The following CTTNBP2 variants were observed in gnomAD, a reference collection of about 807,000 sequenced individuals.
CTTNBP2 encodes the protein cortactin-binding protein 2.
Under a neutral mutation model 156.9 loss-of-function variants are expected in CTTNBP2, and 108 were observed. The observed-to-expected ratio is 0.69, with a 90% CI of 0.59 to 0.81. The LOEUF is 0.81. CTTNBP2 is among the 30% of genes least tolerant of loss of function. The probability of loss-of-function intolerance (pLI) is 0.00; values close to 1 mark genes in which losing one functional copy is unlikely to be tolerated. For missense variants in CTTNBP2, 1,924 were observed against 2,035.4 expected, an observed-to-expected ratio of 0.95 and a Z score of 1.05; for synonymous variants, 767 against 751.8, an observed-to-expected ratio of 1.02 and a Z score of -0.33.
intron 3 of CTTNBP2, among the ~76,000 whole-genome samples, chr7:117,794,004 C>T (rs1358774999): frequency 1.3e-5 from 2 of 152,144 alleles, no homozygotes; most frequent in South Asian, 4.1e-4. Context: ...CTGCCTGCAC[C>T]CCCCCTCACC....
intron 2 of CTTNBP2, among the ~76,000 whole-genome samples, chr7:117,860,566 A>G (rs1803658799): frequency 1.3e-5 from 2 of 152,050 alleles, no homozygotes; most frequent in South Asian, 4.1e-4. Flanking sequence ...GATGGTCTCA[A>G]TCTCCTGACC....
intron 2 of CTTNBP2, among the ~76,000 whole-genome samples, chr7:117,831,518 C>T (rs1801610393): frequency 6.6e-6 from 1 of 152,082 alleles, no homozygotes; most frequent in Admixed American, 6.6e-5. Flanking sequence ...ATGATTCAAG[C>T]CATTATTTCT....
chr7:117,850,028 C>T (rs1802837401), intron 2 of CTTNBP2, among the ~76,000 whole-genome samples: 1 of 152,200 alleles, frequency 6.6e-6, no homozygotes, highest in Non-Finnish European at 1.5e-5. Flanking sequence ...GGTTAAATGA[C>T]ATAATCCACA....
intron 2 of CTTNBP2, among the ~76,000 whole-genome samples, chr7:117,814,367 AT>A (rs1301140524): frequency 6.6e-6 from 1 of 151,892 alleles, no homozygotes; most frequent in African/African-American, 2.4e-5. Flanking sequence ...ATGCAGACGA[AT>A]TTTTTTCTGC....
At position 117,722,083 on chromosome 7, in the gene CTTNBP2, G is replaced by A. The variant is rs149222405; in HGVS notation, c.4448-953C>T. Reference sequence around the variant, plus strand: ...TTCTGTCATTATTGTCCAAAGCACTGACTAGTGGCTTCTACTAATTACTAC... The same window carrying A: ...TTCTGTCATTATTGTCCAAAGCACTAACTAGTGGCTTCTACTAATTACTAC... On this transcript the variant is annotated intron_variant, in intron 19 of 22. Coordinates refer to ENST00000160373, the MANE Select transcript of CTTNBP2 (RefSeq NM_033427.3). Among the ~76,000 whole-genome samples the A allele has an allele frequency of 1.6e-3, 247 of 152,312 alleles. 1 individual carries two copies. The highest frequency in any genetic ancestry group is 5.7e-3 in the African/African-American group (238 of 41,572).
At chr7:117,861,713 C>T (rs547483491) in intron 1 of CTTNBP2, among the ~76,000 whole-genome samples, 5 of 151,998 alleles carry the variant, frequency 3.3e-5, no homozygotes, top group Non-Finnish European at 7.4e-5. Flanking sequence ...ATAAAGGTTC[C>T]TGGGAGGTTA....
chr7:117,862,936 G>T (rs1700762807), intron 1 of CTTNBP2, among the ~76,000 whole-genome samples: 1 of 152,140 alleles, frequency 6.6e-6, no homozygotes, highest in African/African-American at 2.4e-5. Context: ...CACTTTACCG[G>T]CATGGCACCA....
chr7:117,783,058 A>C, intron 5 of CTTNBP2, 97 bp from the exon 6 acceptor site: 1 of 799,678 alleles, frequency 1.3e-6, no homozygotes, highest in Admixed American at 2.2e-5. Flanking sequence ...TCCCAAAGGG[A>C]CTCTCCCCTG....
chr7:117,745,911 C>A lies in CTTNBP2; in HGVS notation c.3455G>T (p.Gly1152Val). The change falls in exon 14 of 23, where the codon GGA becomes GTA. Residue 1152 changes from glycine to valine, a missense_variant. Transcript: ENST00000160373. ...AGCTCTCACTATTTCACAGGAGAAT[C>A]CTGCAGCCATTTGTCTGTGCTGTGA... ...LCLKHRQMAA[G>V]FSCEIVRAEV... The A allele has an allele frequency of 1.2e-6, 2 of 1,614,132 alleles. No individual in the cohort carries two copies. The highest frequency in any genetic ancestry group is 1.7e-6 in the Non-Finnish European group (2 of 1,179,994).
At chr7:117,797,211 A>G (rs1301005045) in intron 3 of CTTNBP2, among the ~76,000 whole-genome samples, 1 of 152,192 alleles carries the variant, frequency 6.6e-6, no homozygotes, top group African/African-American at 2.4e-5. Flanking sequence ...TTACACATTC[A>G]TGGGGCAGAC....
In CTTNBP2 at chr7:117,724,534, C is replaced by T. The variant is rs1406939866; in HGVS notation, c.4447+13G>A. 1 of 1,603,064 alleles carries T rather than the reference C, an allele frequency of 6.2e-7. No individual in the cohort carries two copies. Among genetic ancestry groups the T allele is most frequent in the South Asian group, 1.1e-5 (1 of 90,048 alleles). On this transcript the variant is annotated intron_variant, in intron 19 of 22. Transcript: ENST00000160373. Reference sequence around the variant, plus strand: ...ACCTCCTGGTAGGCAACATGCCTACCCCCGCCCTTTACCTTCAGTGCTTAG... The same window carrying T: ...ACCTCCTGGTAGGCAACATGCCTACTCCCGCCCTTTACCTTCAGTGCTTAG...
intron 1 of CTTNBP2, among the ~76,000 whole-genome samples, chr7:117,865,533 A>T (rs561616313): frequency 1.3e-5 from 2 of 151,276 alleles, no homozygotes; most frequent in Admixed American, 6.6e-5. Flanking sequence ...AAAATTAGCC[A>T]GGCATGGTGG....
intron 22 of CTTNBP2, among the ~76,000 whole-genome samples, chr7:117,716,499 T>TC (rs989315879): frequency 6.6e-6 from 1 of 152,008 alleles, no homozygotes; most frequent in African/African-American, 2.4e-5. Context: ...CAAGCACAGC[T>TC]CAGAGCAAGC....
At chr7:117,801,050 T>C (rs540170612) in intron 3 of CTTNBP2, among the ~76,000 whole-genome samples, 1 of 152,198 alleles carries the variant, frequency 6.6e-6, no homozygotes, top group East Asian at 1.9e-4. Context: ...TGATGGTAAG[T>C]TTTGAACTCA....
At chr7:117,729,207 G>A (rs1307569692) in intron 16 of CTTNBP2, among the ~76,000 whole-genome samples, 1 of 152,198 alleles carries the variant, frequency 6.6e-6, no homozygotes, top group Non-Finnish European at 1.5e-5. Context: ...AGTACCCAAA[G>A]GCAGAATGTA....
In CTTNBP2 at chr7:117,723,263, A is replaced by T. The variant is rs1312141929; in HGVS notation, c.4447+1284T>A. Among the ~76,000 whole-genome samples, 3 of 152,194 alleles carry T rather than the reference A, an allele frequency of 2.0e-5. No individual in the cohort carries two copies. In the East Asian group the frequency reaches 5.8e-4, roughly 29 times the overall value. The stretch of plus-strand genomic sequence containing the variant: ...CAATTTGCTATCATGCACTTAGGGT[A>T]ATTGGGGAACCCTAGCATATATTGA... On this transcript the variant is annotated intron_variant, in intron 19 of 22. Coordinates refer to ENST00000160373, the MANE Select transcript of CTTNBP2 (RefSeq NM_033427.3).
chr7:117,771,048 T>C (rs531058438), intron 8 of CTTNBP2, among the ~76,000 whole-genome samples: 8 of 152,296 alleles, frequency 5.3e-5, no homozygotes, highest in Non-Finnish European at 1.2e-4. Context: ...TATTTGGCCA[T>C]AGTTCCCTGC....
intron 1 of CTTNBP2, 23 bp downstream of exon 1, chr7:117,873,312 G>A (rs1457657024): frequency 7.0e-7 from 1 of 1,423,702 alleles, no homozygotes; most frequent in Admixed American, 2.7e-5. Flanking sequence ...CTAGCCCCGC[G>A]CCCGCCCCGG....
chr7:117,757,660 C>T (rs923979067), intron 11 of CTTNBP2, among the ~76,000 whole-genome samples: 3 of 151,996 alleles, frequency 2.0e-5, no homozygotes, highest in Non-Finnish European at 4.4e-5. Flanking sequence ...CATCAATGAT[C>T]CAGACAGACA....
Sources: gnomAD v4.1 joint callset for allele counts (sites outside exome capture counted in the v4.1 genomes callset) on GRCh38, gnomAD v4.1.1 for gene constraint, MANE v1.5 for transcripts, NCBI Gene and HGNC (gene_info 2026-07-23, HGNC 2026-07-21) for gene names.